ELP5: variants seen among roughly 807,000 people sequenced by gnomAD.
ELP5 encodes the protein elongator acetyltransferase complex subunit 5.
ELP5 carries 34 observed loss-of-function variants against 33.4 expected under a neutral mutation model. That is an observed-to-expected ratio of 1.02 (90% CI 0.78 to 1.36). The LOEUF is 1.36. Among genes scored for constraint, ELP5 ranks in the 40% most tolerant of loss-of-function variants. ELP5 has a pLI of 0.00. For synonymous variants in ELP5, 161 were observed against 146.4 expected (o/e 1.10, Z -0.72); for missense variants, 373 against 371.7 (o/e 1.00, Z -0.03).
chr17:7,259,329 A>G, intron 7 of ELP5: 1 of 1,398,856 alleles, frequency 7.1e-7, no homozygotes, highest in Non-Finnish European at 9.3e-7. Flanking sequence ...CAAGACTACA[A>G]GATCCTTGCC....
At chr17:7,257,117 CTGA>C (rs889103039) in intron 5 of ELP5, 79 bp downstream of exon 5, 68 of 1,410,480 alleles carry the variant, frequency 4.8e-5, no homozygotes, top group Non-Finnish European at 6.1e-5. Context: ...AATGAAAATG[CTGA>C]TGTTTCAAGG....
In ELP5 at chr17:7,259,817, C is replaced by G; in HGVS notation, c.*132C>G. 6.9e-7 allele frequency: 1 copy of G among 1,457,668 alleles called. No individual in the cohort carries two copies. The highest frequency in any genetic ancestry group is 9.1e-7 in the Non-Finnish European group (1 of 1,099,214). The allele number at this position is 1,457,668 out of a possible 1,614,324, so 90.3% of individuals were successfully genotyped here. On this transcript the variant is annotated 3_prime_UTR_variant, in exon 8 of 8. Coordinates refer to ENST00000396628, the MANE Select transcript of ELP5 (RefSeq NM_203414.3). Reference sequence around the variant, plus strand: ...TTGGTTCCCCTTGTCTATGGAGCCCCGCCTTGTGAGCCAGGAAGCAGCGTC... The same window carrying G: ...TTGGTTCCCCTTGTCTATGGAGCCCGGCCTTGTGAGCCAGGAAGCAGCGTC...
chr17:7,258,826 G>C lies in ELP5; in HGVS notation c.688G>C (p.Val230Leu), dbSNP rs749357266. Residue 230 changes from valine to leucine, a missense_variant and splice_region_variant, in exon 7 of 8, where the codon GTG (valine) becomes CTG (leucine). Physicochemically the swap from Val to Leu is conservative, Grantham distance 32. Coordinates refer to ENST00000396628, the MANE Select transcript of ELP5 (RefSeq NM_203414.3). Reference sequence around the variant, plus strand: ...GTGGCAGCATCCTTTGTACCTACAGGTGGATCCCACAACTCATTTGACCTT... The same window carrying C: ...GTGGCAGCATCCTTTGTACCTACAGCTGGATCCCACAACTCATTTGACCTT... ...QPYSDPHIPP[V>L]DPTTHLTFNL... 1 of 1,614,158 alleles carries C rather than the reference G, an allele frequency of 6.2e-7. No individual in the cohort carries two copies. Among genetic ancestry groups the C allele is most frequent in the South Asian group, 1.1e-5 (1 of 91,082 alleles).
chr17:7,258,464 A>T, intron 5 of ELP5, 124 bp from the exon 6 acceptor site: 5 of 896,322 alleles, frequency 5.6e-6, no homozygotes, highest in Admixed American at 2.3e-5. Context: ...AAAAAAAAAA[A>T]GTTGAGGGCA....
In ELP5 at chr17:7,252,490, A is replaced by C. The variant is rs760349184; in HGVS notation, c.-61A>C. ...TCGGCCCGTTTCACCCCGAGGAGGA[A>C]GGACACTGGGTCATGACGCCATCAG... On this transcript the variant is annotated 5_prime_UTR_variant, in exon 1 of 8. Coordinates refer to ENST00000396628, the MANE Select transcript of ELP5 (RefSeq NM_203414.3). The C allele has an allele frequency of 2.5e-6, 4 of 1,613,026 alleles. No individual in the cohort carries two copies. The East Asian group carries it at 8.9e-5, about 36-fold the overall frequency.
upstream of ELP5, chr17:7,252,024 C>A (rs776361090): frequency 2.5e-4 from 49 of 196,846 alleles, no homozygotes; most frequent in Non-Finnish European, 4.5e-4. Flanking sequence ...ACACTACTTC[C>A]GGTGGTGACG....
Position 7,252,285 on chromosome 17 carries a change from C to A in ELP5, c.-266C>A, listed in dbSNP as rs1237169480. The A allele has an allele frequency of 1.8e-6, 1 of 559,784 alleles. No homozygotes were observed. The allele number at this position is 559,784 out of a possible 1,614,324, so 34.7% of individuals were successfully genotyped here. A position where few individuals can be genotyped will look rare whatever the true frequency, so the allele number is the denominator to read the frequency against. On this transcript the variant is annotated 5_prime_UTR_variant, in exon 1 of 8. Coordinates refer to ENST00000396628, the MANE Select transcript of ELP5 (RefSeq NM_203414.3). ...CTCCCCCTCCCACTGACAACTGCCC[C>A]AACTGCTCTTCCCGCCCCGGTCACA... is the stretch of plus-strand genomic sequence containing the variant.
intron 4 of ELP5, among the ~76,000 whole-genome samples, chr17:7,255,528 A>G (rs1342049106): frequency 6.8e-6 from 1 of 147,732 alleles, no homozygotes; most frequent in Admixed American, 6.8e-5. Flanking sequence ...CTCCATCTCA[A>G]AAAAAAAAAA....
Position 7,256,945 on chromosome 17 carries a change from C to G in ELP5, c.498C>G (p.Ser166Arg). 6.2e-7 allele frequency: 1 copy of G among 1,613,982 alleles called. No homozygotes were observed. Among genetic ancestry groups the G allele is most frequent in the Non-Finnish European group, 8.5e-7 (1 of 1,180,026 alleles). Residue 166 changes from serine to arginine, a missense_variant, in exon 5 of 8, where the codon AGC becomes AGG. Ser to Arg is a moderately radical substitution (Grantham distance 110, BLOSUM62 -1). Transcript: ENST00000396628. ...HGPGPVGALS[S>R]LAQTEVTLGG... ...CAGGCCCTGTGGGAGCTCTCAGCAG[C>G]CTTGCTCAGACTGAGGTGACCCTGG...
chr17:7,252,371 C>T lies in ELP5; in HGVS notation c.-180C>T. The T allele has an allele frequency of 3.3e-6, 3 of 915,482 alleles. No homozygotes were observed. Among genetic ancestry groups the T allele is most frequent in the Non-Finnish European group, 5.1e-6 (3 of 587,214 alleles). The allele number at this position is 915,482 out of a possible 1,614,324, so 56.7% of individuals were successfully genotyped here. A position where few individuals can be genotyped will look rare whatever the true frequency, so the allele number is the denominator to read the frequency against. On this transcript the variant is annotated 5_prime_UTR_variant, in exon 1 of 8. Transcript: ENST00000396628. The stretch of plus-strand genomic sequence containing the variant: ...GTGCGCCAGGGCTCGGGGAGGGGCG[C>T]CCTCCGCGTGAGCGCCCCCCTGGGA...
Position 7,258,573 on chromosome 17 carries a change from C to G in ELP5, c.592-15C>G, listed in dbSNP as rs370612549. The G allele has an allele frequency of 9.9e-6, 16 of 1,611,494 alleles. No individual in the cohort carries two copies. The highest frequency in any genetic ancestry group is 1.3e-5 in the African/African-American group (1 of 74,636). ...TCAGTAAGATGAAAAAAACTCTTTT[C>G]TTTTTTCTCTCCAGACTCAGTGGTT... On this transcript the variant is annotated splice_polypyrimidine_tract_variant and intron_variant, in intron 5 of 7. Coordinates refer to ENST00000396628, the MANE Select transcript of ELP5 (RefSeq NM_203414.3).
At position 7,252,879 on chromosome 17, in the gene ELP5, T is replaced by C. The variant is rs765346139; in HGVS notation, c.108-39T>C. 12 of 1,614,040 alleles carry C rather than the reference T, an allele frequency of 7.4e-6. No individual in the cohort carries two copies. In the Admixed American group the frequency reaches 1.3e-4, roughly 18 times the overall value. ...CGGCCTACCCTGGATAGGGCACCTG[T>C]GCCCACTCTTTGACAATCCCTTCTC... On this transcript the variant is annotated intron_variant, in intron 2 of 7. Transcript: ENST00000396628.
Position 7,252,362 on chromosome 17 carries a change from G to A in ELP5, c.-189G>A. ...CGTACGACTGTGCGCCAGGGCTCGG[G>A]GAGGGGCGCCCTCCGCGTGAGCGCC... On this transcript the variant is annotated 5_prime_UTR_variant, in exon 1 of 8. Transcript: ENST00000396628. 1 of 822,782 alleles carries A rather than the reference G, an allele frequency of 1.2e-6. No homozygotes were observed. Among genetic ancestry groups the A allele is most frequent in the Admixed American group, 2.1e-5 (1 of 47,084 alleles). 51.0% of individuals were successfully genotyped at this position (822,782 alleles called of 1,614,324 possible). A position where few individuals can be genotyped will look rare whatever the true frequency, so the allele number is the denominator to read the frequency against.
Position 7,254,695 on chromosome 17 carries a change from G to GT in ELP5, c.303dup (p.Pro102SerfsTer37). 6.2e-7 allele frequency: 1 copy of GT among 1,614,122 alleles called. No individual in the cohort carries two copies. The highest frequency in any genetic ancestry group is 1.1e-5 in the South Asian group (1 of 91,074). ...AGCCATGTGCAAGAGGACAGATCCT[G>GT]TTCCTGTCACCATTGCTCTCGATTC... is the stretch of plus-strand genomic sequence containing the variant. On this transcript the variant is annotated frameshift_variant, in exon 4 of 8. Coordinates refer to ENST00000396628, the MANE Select transcript of ELP5 (RefSeq NM_203414.3). LOFTEE classifies it high-confidence loss of function.
At chr17:7,254,367 T>C (rs979213697) in intron 3 of ELP5, among the ~76,000 whole-genome samples, 3 of 152,224 alleles carry the variant, frequency 2.0e-5, no homozygotes, top group Admixed American at 2.0e-4. Flanking sequence ...TTAGCTGACC[T>C]TGGGCAAGTA....
intron 4 of ELP5, among the ~76,000 whole-genome samples, chr17:7,255,526 C>CAA (rs1004666450): frequency 1.0e-4 from 13 of 129,194 alleles, no homozygotes; most frequent in Non-Finnish European, 1.5e-4. Context: ...GACTCCATCT[C>CAA]AAAAAAAAAA....
Position 7,259,495 on chromosome 17 carries a change from T to G in ELP5, c.789-76T>G. The G allele has an allele frequency of 5.7e-6, 9 of 1,590,506 alleles. No individual in the cohort carries two copies. The South Asian group carries it at 6.8e-5, about 12-fold the overall frequency. ...GCCTAACAGGTTGCCTGAATGAGAG[T>G]CACAGTCACCTGGAAGAAAGTATCC... is the stretch of plus-strand genomic sequence containing the variant. On this transcript the variant is annotated intron_variant, in intron 7 of 7. Transcript: ENST00000396628.
At chr17:7,258,730 C>A (rs753308560) in intron 6 of ELP5, 47 bp downstream of exon 6, 2 of 1,614,022 alleles carry the variant, frequency 1.2e-6, no homozygotes, top group Non-Finnish European at 1.7e-6. Flanking sequence ...AGTTTAGTAT[C>A]TGGTCACGGG....
intron 5 of ELP5, 48 bp downstream of exon 5, chr17:7,257,086 G>A (rs1217190775): frequency 2.7e-6 from 4 of 1,490,676 alleles, no homozygotes; most frequent in East Asian, 4.7e-5. Flanking sequence ...ACAGAGAAAG[G>A]GGTGGCACGA....
Sources: gnomAD v4.1 joint callset for allele counts (sites outside exome capture counted in the v4.1 genomes callset) on GRCh38, gnomAD v4.1.1 for gene constraint, MANE v1.5 for transcripts, NCBI Gene and HGNC (gene_info 2026-07-23, HGNC 2026-07-21) for gene names.